Variants in TIGIT observed in about 807,000 individuals in gnomAD.
The protein encoded by TIGIT is T cell immunoreceptor with Ig and ITIM domains.
TIGIT carries 11 observed loss-of-function variants against 19.6 expected under a neutral mutation model. The observed-to-expected ratio is 0.56, with a 90% confidence interval of 0.35 to 0.93. The LOEUF is 0.93. Among genes scored for constraint, TIGIT ranks in the 40% least tolerant of loss-of-function variants. TIGIT has a pLI of 0.01. For missense variants in TIGIT, 295 were observed against 303.9 expected (o/e 0.97, Z 0.22); for synonymous variants, 130 against 125.5 (o/e 1.04, Z -0.24).
rs764386879 is a variant in TIGIT, at chr3:114,308,241, G to A, written c.*110G>A. 93 of 608,352 alleles carry A rather than the reference G, an allele frequency of 1.5e-4. No individual in the cohort carries two copies. The highest frequency in any genetic ancestry group is 2.3e-4 in the Admixed American group (8 of 34,894). The allele number at this position is 608,352 out of a possible 1,614,324, so 37.7% of individuals were successfully genotyped here. A position where few individuals can be genotyped will look rare whatever the true frequency, so the allele number is the denominator to read the frequency against. Reference sequence around the variant, plus strand: ...TGCGTGTGTGTGTGTGTGTGTATGTGTGTGTGTGTTCAGTTGAGTGAATAA... The same window carrying A: ...TGCGTGTGTGTGTGTGTGTGTATGTATGTGTGTGTTCAGTTGAGTGAATAA... On this transcript the variant is annotated 3_prime_UTR_variant, in exon 4 of 4. Transcript: ENST00000383671.
intron 3 of TIGIT, among the ~76,000 whole-genome samples, chr3:114,306,089 C>G (rs2078533214): frequency 6.6e-6 from 1 of 152,064 alleles, no homozygotes; most frequent in Non-Finnish European, 1.5e-5. Flanking sequence ...GGCCTGAAAA[C>G]CCAGGGTCAG....
chr3:114,303,562 T>C (rs185339111), intron 3 of TIGIT, among the ~76,000 whole-genome samples: 438 of 5,504 alleles, frequency 0.08, 4 homozygotes, highest in African/African-American at 0.13. Context: ...TATATATATA[T>C]ACATATATAT....
chr3:114,299,529 G>A lies in TIGIT; in HGVS notation c.392-68G>A, dbSNP rs893826451. 55 of 1,247,860 alleles carry A rather than the reference G, an allele frequency of 4.4e-5. No homozygotes were observed. In the Admixed American group the frequency reaches 6.6e-4, roughly 15 times the overall value. 77.3% of individuals were successfully genotyped at this position (1,247,860 alleles called of 1,614,324 possible). On this transcript the variant is annotated intron_variant, in intron 2 of 3. Transcript: ENST00000383671. ...CCTCCCCTCTCTGCCGTGAAGCTCA[G>A]GCTGCCCTGGGGAAATCAGCTTCAC... is the stretch of plus-strand genomic sequence containing the variant.
intron 2 of TIGIT, among the ~76,000 whole-genome samples, chr3:114,299,295 T>C (rs922865747): frequency 3.3e-5 from 5 of 152,270 alleles, no homozygotes; most frequent in African/African-American, 1.2e-4. Context: ...GGAACTACTA[T>C]TTGTTTCATT....
intron 3 of TIGIT, among the ~76,000 whole-genome samples, chr3:114,301,361 A>T (rs534344610): frequency 6.6e-6 from 1 of 152,220 alleles, no homozygotes; most frequent in South Asian, 2.1e-4. Flanking sequence ...GGGAAAGTCA[A>T]TGATCTATAA....
At chr3:114,304,484 G>T (rs2107954135) in intron 3 of TIGIT, among the ~76,000 whole-genome samples, 1 of 152,166 alleles carries the variant, frequency 6.6e-6, no homozygotes, top group South Asian at 2.1e-4. Flanking sequence ...CCCTTGTGAG[G>T]GTGTTAAATA....
At chr3:114,307,751 T>G in intron 3 of TIGIT, 144 bp from the exon 4 acceptor site, 2 of 745,612 alleles carry the variant, frequency 2.7e-6, no homozygotes, top group South Asian at 3.5e-5. Context: ...GGTTGAGAAA[T>G]TAAGGGCTAA....
chr3:114,298,584 C>G (rs530158519), intron 2 of TIGIT, among the ~76,000 whole-genome samples: 3 of 152,198 alleles, frequency 2.0e-5, no homozygotes, highest in Non-Finnish European at 4.4e-5. Flanking sequence ...TCCATCTGTC[C>G]TCTTTACTCC....
chr3:114,308,196 G>T lies in TIGIT; in HGVS notation c.*65G>T, dbSNP rs2078548817. ...GCTATTATAGATGAATATATAAGCA[G>T]CTGTACTCTCCATCAGTGCTGCGTG... On this transcript the variant is annotated 3_prime_UTR_variant, in exon 4 of 4. Transcript: ENST00000383671. 1 of 1,313,302 alleles carries T rather than the reference G, an allele frequency of 7.6e-7. No individual in the cohort carries two copies. The highest frequency in any genetic ancestry group is 2.3e-5 in the East Asian group (1 of 43,458). The allele number at this position is 1,313,302 out of a possible 1,614,324, so 81.4% of individuals were successfully genotyped here. A position where few individuals can be genotyped will look rare whatever the true frequency, so the allele number is the denominator to read the frequency against.
chr3:114,296,599 C>T (rs1368812365), intron 2 of TIGIT, among the ~76,000 whole-genome samples: 1 of 152,152 alleles, frequency 6.6e-6, no homozygotes, highest in Non-Finnish European at 1.5e-5. Flanking sequence ...ATTAAATTCC[C>T]TACTACAAGA....
intron 3 of TIGIT, among the ~76,000 whole-genome samples, chr3:114,302,802 C>T (rs1302744785): frequency 1.3e-5 from 2 of 152,064 alleles, no homozygotes; most frequent in East Asian, 3.9e-4. Context: ...TTTATTGTTG[C>T]TATTATCTTA....
In TIGIT at chr3:114,303,500, TATATGTATATATATATACAC is replaced by T. The variant is rs2078505501; in HGVS notation, c.498+3802_498+3821del. On this transcript the variant is annotated intron_variant, in intron 3 of 3. Coordinates refer to ENST00000383671, the MANE Select transcript of TIGIT (RefSeq NM_173799.4). The stretch of plus-strand genomic sequence containing the variant: ...AGTAGTATTCCATGGTGTGTATATA[TATATGTATATATATATACAC>T]ATATATATGTATATATATACACATA... Among the ~76,000 whole-genome samples the T allele has an allele frequency of 7.8e-5, 4 of 51,054 alleles. 1 individual carries two copies. Among genetic ancestry groups the T allele is most frequent in the African/African-American group, 9.9e-5 (2 of 20,260 alleles). The allele number at this position is 51,054 out of a possible 152,430, so 33.5% of individuals were successfully genotyped here.
At position 114,295,558 on chromosome 3, in the gene TIGIT, C is replaced by T. The variant is rs373334849; in HGVS notation, c.75C>T (p.Gly25=). The T allele has an allele frequency of 4.3e-6, 7 of 1,613,262 alleles. No homozygotes were observed. The highest frequency in any genetic ancestry group is 5.9e-6 in the Non-Finnish European group (7 of 1,179,486). The change falls in exon 2 of 4, where the codon GGC becomes GGT. Residue 25 remains glycine, a synonymous_variant. Transcript: ENST00000383671. ...QAPLASGMMT[G]TIETTGNISA... ...CCTCTTCCCTAGGAATGATGACAGG[C>T]ACAATAGAAACAACGGGGAACATTT...
chr3:114,297,125 A>G (rs1220417854), intron 2 of TIGIT, among the ~76,000 whole-genome samples: 1 of 151,572 alleles, frequency 6.6e-6, no homozygotes, highest in East Asian at 1.9e-4. Context: ...CAAACTCCCG[A>G]CCTCCAGTGA....
intron 2 of TIGIT, among the ~76,000 whole-genome samples, chr3:114,296,890 CTTTTT>C (rs11289140): frequency 8.9e-6 from 1 of 112,878 alleles, no homozygotes; most frequent in Non-Finnish European, 1.8e-5. Context: ...AATGTTACTT[CTTTTT>C]TTTTTTTTTT....
chr3:114,294,894 C>T (rs1301919210), intron 1 of TIGIT: 2 of 152,528 alleles, frequency 1.3e-5, no homozygotes, highest in Non-Finnish European at 2.9e-5. Flanking sequence ...AACTAGGCCG[C>T]AGGAAGAAAC....
chr3:114,308,233 GTGTA>G lies in TIGIT; in HGVS notation c.*106_*109del. 2 of 836,860 alleles carry G rather than the reference GTGTA, an allele frequency of 2.4e-6. No homozygotes were observed. The highest frequency in any genetic ancestry group is 2.4e-5 in the East Asian group (1 of 40,832). 51.8% of individuals were successfully genotyped at this position (836,860 alleles called of 1,614,324 possible). On this transcript the variant is annotated 3_prime_UTR_variant, in exon 4 of 4. Transcript: ENST00000383671. ...ATCAGTGCTGCGTGTGTGTGTGTGTGTGTATGTGTGTGTGTGTTCAGTTGAGTGA... is the reference window on the plus strand; with the variant it reads ...ATCAGTGCTGCGTGTGTGTGTGTGTGTGTGTGTGTGTGTTCAGTTGAGTGA...
intron 3 of TIGIT, among the ~76,000 whole-genome samples, chr3:114,300,690 T>C (rs2078487005): frequency 6.6e-6 from 1 of 152,174 alleles, no homozygotes; most frequent in African/African-American, 2.4e-5. Flanking sequence ...TCCAGGAGCA[T>C]GGTGTATTTG....
chr3:114,297,282 ACT>A (rs1491334786), intron 2 of TIGIT, among the ~76,000 whole-genome samples: 3 of 152,226 alleles, frequency 2.0e-5, no homozygotes, highest in Admixed American at 1.3e-4. Context: ...TAAATTATGT[ACT>A]TTTTTTCTCA....
Sources: gnomAD v4.1 joint callset for allele counts (sites outside exome capture counted in the v4.1 genomes callset) on GRCh38, gnomAD v4.1.1 for gene constraint, MANE v1.5 for transcripts, NCBI Gene and HGNC (gene_info 2026-07-23, HGNC 2026-07-21) for gene names.